OCA2: variants seen among roughly 807,000 people sequenced by gnomAD.
OCA2 encodes P protein.
In OCA2, 77 loss-of-function variants were observed where a neutral mutation model predicts 100.2. That is an observed-to-expected ratio of 0.77 (90% CI 0.64 to 0.93). The LOEUF (loss-of-function observed/expected upper bound fraction) is 0.93. Among genes scored for constraint, OCA2 ranks in the 40% least tolerant of loss-of-function variants. The pLI is 0.00. For missense variants in OCA2, 1,062 were observed against 1,089.1 expected, an observed-to-expected ratio of 0.98 and a Z score of 0.35; for synonymous variants, 432 against 439.2, an observed-to-expected ratio of 0.98 and a Z score of 0.21.
intron 23 of OCA2, among the ~76,000 whole-genome samples, chr15:27,824,093 C>T (rs1170132392): frequency 2.0e-5 from 3 of 152,154 alleles, no homozygotes; most frequent in African/African-American, 4.8e-5. Context: ...TTTGGCCAGG[C>T]GCGGTGGCTC....
intron 1 of OCA2, among the ~76,000 whole-genome samples, chr15:28,086,434 T>G (rs951886849): frequency 2.0e-5 from 3 of 152,156 alleles, no homozygotes; most frequent in Admixed American, 1.3e-4. Flanking sequence ...GAACCTGAAC[T>G]TCTAACCCTA....
chr15:27,987,972 C>A (rs1364494195), intron 11 of OCA2, among the ~76,000 whole-genome samples: 1 of 152,124 alleles, frequency 6.6e-6, no homozygotes, highest in Non-Finnish European at 1.5e-5. Context: ...TCCAGAGTGA[C>A]CATCAATGTT....
chr15:28,074,233 T>C (rs975667377), intron 2 of OCA2, among the ~76,000 whole-genome samples: 1 of 152,144 alleles, frequency 6.6e-6, no homozygotes, highest in African/African-American at 2.4e-5. Flanking sequence ...CATAGACTGA[T>C]GGAACAGAAT....
intron 23 of OCA2, among the ~76,000 whole-genome samples, chr15:27,809,970 T>C (rs2034009080): frequency 6.6e-6 from 1 of 152,164 alleles, no homozygotes; most frequent in Admixed American, 6.5e-5. Context: ...TTCAATGAAA[T>C]TCCCATCAAA....
At chr15:28,014,136 T>C (rs148562286) in intron 9 of OCA2, among the ~76,000 whole-genome samples, 2 of 152,294 alleles carry the variant, frequency 1.3e-5, no homozygotes, top group African/African-American at 4.8e-5. Flanking sequence ...CAGGCTCCTG[T>C]CCGTGTTGTG....
intron 2 of OCA2, among the ~76,000 whole-genome samples, chr15:28,068,629 G>T (rs1394645335): frequency 6.6e-6 from 1 of 152,236 alleles, no homozygotes; most frequent in Middle Eastern, 3.2e-3. Context: ...ATCTGGCAGA[G>T]ACACAGTGAA....
chr15:27,877,118 G>A (rs1180171581), intron 19 of OCA2, among the ~76,000 whole-genome samples: 2 of 151,752 alleles, frequency 1.3e-5, no homozygotes, highest in Non-Finnish European at 2.9e-5. Context: ...ATTCCCTTGT[G>A]ATTTCATTTT....
chr15:27,922,199 G>C (rs547650752), intron 19 of OCA2, among the ~76,000 whole-genome samples: 1 of 152,196 alleles, frequency 6.6e-6, no homozygotes, highest in African/African-American at 2.4e-5. Flanking sequence ...ACCTTTCTCT[G>C]CTTCTTTAGA....
intron 1 of OCA2, among the ~76,000 whole-genome samples, chr15:28,089,264 G>A (rs1317399364): frequency 6.6e-6 from 1 of 152,078 alleles, no homozygotes. Context: ...GGCAGTTAAC[G>A]CAATCATCAC....
chr15:27,976,029 GT>G (rs2040953813), intron 14 of OCA2, among the ~76,000 whole-genome samples: 1 of 137,698 alleles, frequency 7.3e-6, no homozygotes, highest in Admixed American at 7.6e-5. Context: ...TACAGCATAT[GT>G]TTTGTGCTAC....
chr15:27,811,626 C>G (rs1043719226), intron 23 of OCA2, among the ~76,000 whole-genome samples: 3 of 152,194 alleles, frequency 2.0e-5, no homozygotes, highest in African/African-American at 7.2e-5. Flanking sequence ...AAATGGCTTA[C>G]TGCTGTTTCA....
At chr15:27,804,699 T>A (rs565645936) in intron 23 of OCA2, among the ~76,000 whole-genome samples, 32 of 152,232 alleles carry the variant, frequency 2.1e-4, no homozygotes, top group Admixed American at 1.3e-3. Context: ...GCCCAGAGAA[T>A]GGGAGGCGCC....
At chr15:27,860,702 G>T (rs574560606) in intron 21 of OCA2, among the ~76,000 whole-genome samples, 22 of 152,310 alleles carry the variant, frequency 1.4e-4, no homozygotes, top group African/African-American at 5.3e-4. Flanking sequence ...ATCCACCACT[G>T]ATGGGCATCT....
In OCA2 at chr15:28,027,900, C is replaced by T. The variant is rs1222531095; in HGVS notation, c.486G>A (p.Pro162=). The T allele has an allele frequency of 5.0e-6, 8 of 1,613,484 alleles. No homozygotes were observed. The highest frequency in any genetic ancestry group is 2.2e-5 in the East Asian group (1 of 44,876). ...SSEKGDLLDS[P]HIRLRLSKLR... ...GCTTGGAAAGACGGAGTCGGATGTGCGGGCTGTCCAGAAGGTCTCCCTTCT... is the reference window on the plus strand; with the variant it reads ...GCTTGGAAAGACGGAGTCGGATGTGTGGGCTGTCCAGAAGGTCTCCCTTCT... The change falls in exon 4 of 24, where the codon CCG becomes CCA. Residue 162 remains proline (P), a synonymous_variant. Coordinates refer to ENST00000354638, the MANE Select transcript of OCA2 (RefSeq NM_000275.3).
intron 2 of OCA2, among the ~76,000 whole-genome samples, chr15:28,038,917 T>A (rs775099763): frequency 1.3e-5 from 2 of 152,208 alleles, no homozygotes; most frequent in East Asian, 1.9e-4. Flanking sequence ...TTCAATTATA[T>A]GCTGTCTACA....
At chr15:27,875,776 G>A (rs1056240727) in intron 19 of OCA2, among the ~76,000 whole-genome samples, 7 of 151,462 alleles carry the variant, frequency 4.6e-5, no homozygotes, top group African/African-American at 1.7e-4. Context: ...TAGGGTTTTG[G>A]TATCATTATA....
chr15:27,760,232 T>C (rs1490983715), intron 23 of OCA2, among the ~76,000 whole-genome samples: 5 of 152,028 alleles, frequency 3.3e-5, no homozygotes, highest in Non-Finnish European at 2.9e-5. Context: ...TTCTAATTTA[T>C]GATCTCTGTG....
At chr15:27,871,077 G>T (rs1326290018) in intron 21 of OCA2, 77 bp downstream of exon 21, 1 of 1,081,068 alleles carries the variant, frequency 9.3e-7, no homozygotes, top group Middle Eastern at 2.0e-4. Flanking sequence ...ATCCTCTGCT[G>T]CCTTAGGAAG....
At chr15:27,824,602 C>CTCTCTCTCTCTCTATA in intron 23 of OCA2, among the ~76,000 whole-genome samples, 31 of 47,594 alleles carry the variant, frequency 6.5e-4, no homozygotes, top group African/African-American at 4.3e-3. Context: ...CTCTCTCTCT[C>CTCTCTCTCTCTCTATA]TATATATATA....
Sources: allele counts gnomAD v4.1 joint callset (sites outside exome capture counted in the v4.1 genomes callset), GRCh38; gene constraint gnomAD v4.1.1; transcripts MANE v1.5; gene names NCBI Gene and HGNC (gene_info 2026-07-23, HGNC 2026-07-21).